Variants in CACNA1D observed in about 807,000 individuals in gnomAD.
CACNA1D encodes calcium voltage-gated channel subunit alpha1 D, also known as voltage-dependent L-type calcium channel subunit alpha-1D.
In CACNA1D, 55 loss-of-function variants were observed where a neutral mutation model predicts 257.1. The observed-to-expected ratio is 0.21, with a 90% CI of 0.17 to 0.27. The LOEUF (loss-of-function observed/expected upper bound fraction) is 0.27, where lower values mean the gene tolerates loss of function less well. Among genes scored for constraint, CACNA1D ranks in the 10% least tolerant of loss-of-function variants. CACNA1D has a pLI of 1.00. For synonymous variants in CACNA1D, 980 were observed against 1,014.9 expected (o/e 0.97, Z 0.65); for missense variants, 1,876 against 2,784.0 (o/e 0.67, Z 7.34).
At position 53,774,398 on chromosome 3, in the gene CACNA1D, C is replaced by G; in HGVS notation, c.4111-189C>G. 1 of 597,664 alleles carries G rather than the reference C, an allele frequency of 1.7e-6. No individual in the cohort carries two copies. The highest frequency in any genetic ancestry group is 1.9e-5 in the South Asian group (1 of 52,308). The allele number at this position is 597,664 out of a possible 1,614,324, so 37.0% of individuals were successfully genotyped here. A position where few individuals can be genotyped will look rare whatever the true frequency, so the allele number is the denominator to read the frequency against. On this transcript the variant is annotated intron_variant, in intron 33 of 47. Transcript: ENST00000350061. The surrounding 1 kb of genome is among the most constrained non-coding windows in gnomAD (Gnocchi z 4.3). ...CCGTGCCCCTCTGGAGCACCACGTTCCCAGTGTGTAACCTGCTGCCTGGCA... is the reference window on the plus strand; with the variant it reads ...CCGTGCCCCTCTGGAGCACCACGTTGCCAGTGTGTAACCTGCTGCCTGGCA...
intron 29 of CACNA1D, among the ~76,000 whole-genome samples, chr3:53,755,218 C>G (rs1368146572): frequency 6.6e-6 from 1 of 152,208 alleles, no homozygotes; most frequent in African/African-American, 2.4e-5. Flanking sequence ...TGGAACATTT[C>G]CCAGATACCT....
intron 3 of CACNA1D, among the ~76,000 whole-genome samples, chr3:53,594,824 A>T (rs1334295508): frequency 6.6e-6 from 1 of 152,248 alleles, no homozygotes; most frequent in Non-Finnish European, 1.5e-5. Context: ...GGCATCAGGG[A>T]TCCTGCTTTT....
At chr3:53,755,939 C>T (rs1473343310) in intron 29 of CACNA1D, among the ~76,000 whole-genome samples, 4 of 152,172 alleles carry the variant, frequency 2.6e-5, no homozygotes, top group Non-Finnish European at 4.4e-5. Context: ...GTCAAGGCTG[C>T]AGAAGGAGGA....
intron 3 of CACNA1D, among the ~76,000 whole-genome samples, chr3:53,555,147 T>C (rs181052239): frequency 1.2e-4 from 18 of 152,300 alleles, no homozygotes; most frequent in African/African-American, 3.8e-4. Flanking sequence ...CGTGGTCCCA[T>C]GAGGATGCCA....
At chr3:53,583,664 T>G (rs2093168104) in intron 3 of CACNA1D, among the ~76,000 whole-genome samples, 1 of 152,120 alleles carries the variant, frequency 6.6e-6, no homozygotes, top group African/African-American at 2.4e-5. Flanking sequence ...TGCACTCTAT[T>G]TATAATCAAA....
At chr3:53,618,163 A>G (rs1255494510) in intron 3 of CACNA1D, among the ~76,000 whole-genome samples, 1 of 152,158 alleles carries the variant, frequency 6.6e-6, no homozygotes. Context: ...GACAGCTCCT[A>G]GCAGCTGCAC....
chr3:53,741,962 C>G (rs183434653), intron 21 of CACNA1D, among the ~76,000 whole-genome samples: 1 of 152,244 alleles, frequency 6.6e-6, no homozygotes, highest in Admixed American at 6.5e-5. Flanking sequence ...AATTGCTTCA[C>G]CGACTTAAAT....
chr3:53,548,928 C>A (rs2107569556), intron 3 of CACNA1D, among the ~76,000 whole-genome samples: 1 of 152,238 alleles, frequency 6.6e-6, no homozygotes, highest in African/African-American at 2.4e-5. Flanking sequence ...ATTCAACATT[C>A]ATTCATTGGG....
rs1298488120 is a variant in CACNA1D at position 53,660,525 on chromosome 3, G to A, written c.766+250G>A. Among the ~76,000 whole-genome samples the A allele has an allele frequency of 5.9e-5, 9 of 152,200 alleles. 1 individual carries two copies. The highest frequency in any genetic ancestry group is 3.3e-4 in the Admixed American group (5 of 15,288). On this transcript the variant is annotated intron_variant, in intron 5 of 47. Coordinates refer to ENST00000350061, the MANE Select transcript of CACNA1D (RefSeq NM_001128840.3). Reference sequence around the variant, plus strand: ...AGAATCTTCTCTTGCAGAAAGACAAGGTGAGGTGTTGGGGTGAGACCTTGG... The same window carrying A: ...AGAATCTTCTCTTGCAGAAAGACAAAGTGAGGTGTTGGGGTGAGACCTTGG...
intron 19 of CACNA1D, among the ~76,000 whole-genome samples, chr3:53,734,635 T>G (rs2095039957): frequency 6.6e-6 from 1 of 152,100 alleles, no homozygotes; most frequent in South Asian, 2.1e-4. Flanking sequence ...TGAGCCCAGG[T>G]GTCAGGCATG....
intron 45 of CACNA1D, among the ~76,000 whole-genome samples, chr3:53,806,802 C>T (rs912459967): frequency 6.6e-6 from 1 of 152,172 alleles, no homozygotes; most frequent in African/African-American, 2.4e-5. Flanking sequence ...TGAACACATG[C>T]AGCTAAATGA....
intron 3 of CACNA1D, among the ~76,000 whole-genome samples, chr3:53,649,530 T>TC (rs1477489323): frequency 2.0e-5 from 3 of 151,376 alleles, no homozygotes; most frequent in Non-Finnish European, 4.4e-5. Flanking sequence ...TCCACACACC[T>TC]CCCCCCCACA....
chr3:53,548,798 A>G (rs1160559114), intron 3 of CACNA1D, among the ~76,000 whole-genome samples: 1 of 152,148 alleles, frequency 6.6e-6, no homozygotes, highest in Non-Finnish European at 1.5e-5. Context: ...AAACGTTCCC[A>G]TTTAACGTCC....
intron 8 of CACNA1D, among the ~76,000 whole-genome samples, chr3:53,691,742 CATATATAATATATATTACATATA>C (rs2094523355): frequency 5.8e-5 from 2 of 34,346 alleles, no homozygotes; most frequent in East Asian, 6.5e-4. Flanking sequence ...ATATATATTA[CATATATAATATATATTACATATA>C]ATATATATAT....
chr3:53,581,184 C>G (rs2093126537), intron 3 of CACNA1D, among the ~76,000 whole-genome samples: 1 of 152,198 alleles, frequency 6.6e-6, no homozygotes, highest in African/African-American at 2.4e-5. Context: ...GGACTTTGTT[C>G]TTGTCACCGA....
intron 20 of CACNA1D, among the ~76,000 whole-genome samples, chr3:53,735,988 G>A (rs114606178): frequency 0.021 from 3,156 of 152,242 alleles, 106 homozygotes; most frequent in African/African-American, 0.072. Flanking sequence ...TAGGCTCCAC[G>A]ACTCAGGAGA....
chr3:53,762,848 C>A (rs1345007176), intron 30 of CACNA1D, among the ~76,000 whole-genome samples: 1 of 152,202 alleles, frequency 6.6e-6, no homozygotes, highest in East Asian at 1.9e-4. Flanking sequence ...GTAGAATTGC[C>A]TTTTGGAACT....
intron 38 of CACNA1D, 60 bp from the exon 39 acceptor site, chr3:53,781,506 G>A: frequency 8.9e-7 from 1 of 1,120,160 alleles, no homozygotes; most frequent in Non-Finnish European, 1.4e-6. Context: ...TGTGCAAGCA[G>A]AGGAGGAGCT....
intron 3 of CACNA1D, among the ~76,000 whole-genome samples, chr3:53,649,302 C>A (rs1169518234): frequency 6.6e-6 from 1 of 152,186 alleles, no homozygotes; most frequent in African/African-American, 2.4e-5. Flanking sequence ...GTGTTCTCTT[C>A]AGAAACATAA....
Sources: allele counts gnomAD v4.1 joint callset (sites outside exome capture counted in the v4.1 genomes callset), GRCh38; gene constraint gnomAD v4.1.1; non-coding constraint Gnocchi (gnomAD v3.1); transcripts MANE v1.5; gene names NCBI Gene and HGNC (gene_info 2026-07-23, HGNC 2026-07-21).